Variants in OCRL observed in about 807,000 individuals in gnomAD.
OCRL encodes the protein OCRL inositol polyphosphate-5-phosphatase.
A neutral mutation model predicts 78.9 loss-of-function variants in OCRL; 8 were observed. The observed-to-expected ratio is 0.10, with a 90% confidence interval of 0.06 to 0.18. The LOEUF (loss-of-function observed/expected upper bound fraction) is 0.18, where lower values mean the gene tolerates loss of function less well. Ranked by LOEUF, OCRL falls within the 10% of genes least tolerant of loss-of-function variation. OCRL has a pLI of 1.00. For missense variants in OCRL, 454 were observed against 696.7 expected (o/e 0.65, Z 3.92); for synonymous variants, 240 against 235.4 (o/e 1.02, Z -0.18).
In OCRL at chrX:129,561,363, T is replaced by C; in HGVS notation, c.939+70T>C. ...GCTCACCGGGAGTTATTCCATTATC[T>C]ACAACTTGTTCCAAAAGAATAGTTT... On this transcript the variant is annotated intron_variant, in intron 10 of 23. Transcript: ENST00000371113. The C allele has an allele frequency of 4.6e-6, 3 of 648,372 alleles. No individual in the cohort carries two copies. In the Admixed American group the frequency reaches 6.8e-5, roughly 15 times the overall value. 53.4% of individuals were successfully genotyped at this position (648,372 alleles called of 1,213,427 possible).
chrX:129,548,851 G>A (rs1216367687), intron 4 of OCRL, among the ~76,000 whole-genome samples: 3 of 112,025 alleles, frequency 2.7e-5, no homozygotes, highest in Non-Finnish European at 5.6e-5. Context: ...CTGAACTTCC[G>A]TGAGCTACCA....
intron 3 of OCRL, among the ~76,000 whole-genome samples, chrX:129,547,300 C>T (rs1167749079): frequency 1.1e-4 from 12 of 109,962 alleles, no homozygotes; most frequent in African/African-American, 3.3e-4. Context: ...CCAAGGTGGG[C>T]AGATCACAAG....
intron 18 of OCRL, among the ~76,000 whole-genome samples, chrX:129,583,720 T>C (rs1202652670): frequency 9.0e-6 from 1 of 111,472 alleles, no homozygotes; most frequent in African/African-American, 3.3e-5. Flanking sequence ...TCTTTTTTTC[T>C]CTTATGCCCA....
intron 4 of OCRL, among the ~76,000 whole-genome samples, chrX:129,551,723 C>T (rs1190123293): frequency 2.7e-5 from 3 of 112,584 alleles, no homozygotes; most frequent in African/African-American, 9.7e-5. Flanking sequence ...CGTGAGCCAC[C>T]GTGCCTGGCC....
At chrX:129,589,672 A>G (rs1936562245) in intron 22 of OCRL, 173 bp from the exon 23 acceptor site, 1 of 460,788 alleles carries the variant, frequency 2.2e-6, no homozygotes, top group Non-Finnish European at 3.8e-6. Flanking sequence ...TCTTACTTTG[A>G]AGTTATAATT....
chrX:129,545,180 G>C (rs1362880763), intron 3 of OCRL, 143 bp downstream of exon 3: 10 of 459,626 alleles, frequency 2.2e-5, no homozygotes, highest in Non-Finnish European at 3.8e-5. Context: ...ACATTGAGGA[G>C]ATGATACTTT....
intron 2 of OCRL, among the ~76,000 whole-genome samples, chrX:129,541,719 T>C (rs767317248): frequency 3.6e-5 from 4 of 112,313 alleles, no homozygotes; most frequent in Non-Finnish European, 7.5e-5. Context: ...CACTTAAATC[T>C]TGCCATCTCC....
intron 15 of OCRL, among the ~76,000 whole-genome samples, chrX:129,571,111 A>T (rs1013411353): frequency 8.9e-6 from 1 of 112,037 alleles, no homozygotes; most frequent in Non-Finnish European, 1.9e-5. Context: ...CTACTACCCC[A>T]CAATACCTCT....
rs1261991452 is a variant in OCRL, at chrX:129,540,487, C to A, written c.39+9C>A. On this transcript the variant is annotated intron_variant, in intron 1 of 23. Transcript: ENST00000371113. ...GAGCCCAGCCGCTTGCCGTATCCGC[C>A]GGAGAGAAGGGAGAGGGGAGGCCGC... 1 of 1,071,030 alleles carries A rather than the reference C, an allele frequency of 9.3e-7. No homozygotes were observed. The highest frequency in any genetic ancestry group is 2.0e-5 in the South Asian group (1 of 50,468). 88.3% of individuals were successfully genotyped at this position (1,071,030 alleles called of 1,213,427 possible). A position where few individuals can be genotyped will look rare whatever the true frequency, so the allele number is the denominator to read the frequency against.
At chrX:129,560,906 T>G (rs1450575500) in intron 9 of OCRL, among the ~76,000 whole-genome samples, 1 of 112,712 alleles carries the variant, frequency 8.9e-6, no homozygotes, top group Non-Finnish European at 1.9e-5. Context: ...GTTCTAACAG[T>G]GACAGTTCCT....
intron 4 of OCRL, among the ~76,000 whole-genome samples, chrX:129,551,753 T>G (rs1200931691): frequency 3.6e-5 from 4 of 112,650 alleles, no homozygotes; most frequent in Non-Finnish European, 7.5e-5. Context: ...GTAGTTTTAA[T>G]AAATGCTCTT....
chrX:129,562,026 T>C (rs1936152520), intron 10 of OCRL, among the ~76,000 whole-genome samples: 1 of 112,014 alleles, frequency 8.9e-6, no homozygotes, highest in Non-Finnish European at 1.9e-5. Context: ...CTTAGAAAAT[T>C]AGACATCAGA....
intron 21 of OCRL, 55 bp downstream of exon 21, chrX:129,588,318 C>T: frequency 1.2e-6 from 1 of 825,628 alleles, no homozygotes; most frequent in Non-Finnish European, 1.8e-6. Context: ...TCAAACTCTT[C>T]TTCGCACCTA....
intron 16 of OCRL, chrX:129,575,578 A>G (rs1740617827): frequency 2.6e-6 from 1 of 384,096 alleles, no homozygotes. Context: ...CAGAGTTGCT[A>G]GTTAATTTAT....
Position 129,540,447 on chromosome X carries a change from C to A in OCRL, c.8C>A (p.Pro3Gln). The part of the protein sequence containing the change: ME[P>Q]PLPVGAQPLA... Reference sequence around the variant, plus strand: ...AGCCCGGAGGCCGCCTGGATGGAGCCGCCGCTCCCGGTCGGAGCCCAGCCG... The same window carrying A: ...AGCCCGGAGGCCGCCTGGATGGAGCAGCCGCTCCCGGTCGGAGCCCAGCCG... The change falls in exon 1 of 24, where the codon CCG (proline) becomes CAG (glutamine). Residue 3 changes from proline (P) to glutamine (Q), a missense_variant. Physicochemically the swap from Pro to Gln is moderately conservative, Grantham distance 76. Transcript: ENST00000371113. 1 of 1,154,376 alleles carries A rather than the reference C, an allele frequency of 8.7e-7. No individual in the cohort carries two copies.
chrX:129,567,638 A>G (rs1307837120), intron 14 of OCRL, among the ~76,000 whole-genome samples: 2 of 111,989 alleles, frequency 1.8e-5, no homozygotes, highest in Non-Finnish European at 3.8e-5. Flanking sequence ...CACCTCAGCA[A>G]ACTTGCTTAA....
At chrX:129,573,421 C>T (rs1381109503) in intron 15 of OCRL, among the ~76,000 whole-genome samples, 1 of 111,436 alleles carries the variant, frequency 9.0e-6, no homozygotes, top group Non-Finnish European at 1.9e-5. Flanking sequence ...TGTTGTTCCC[C>T]TCCCTGTGTC....
At chrX:129,543,677 C>T (rs987932862) in intron 2 of OCRL, among the ~76,000 whole-genome samples, 1 of 112,875 alleles carries the variant, frequency 8.9e-6, no homozygotes, top group African/African-American at 3.2e-5. Context: ...CTTATCCTAT[C>T]CCAGGTTATC....
At chrX:129,584,965 C>T (rs767738165) in intron 19 of OCRL, among the ~76,000 whole-genome samples, 3 of 111,732 alleles carry the variant, frequency 2.7e-5, no homozygotes, top group Non-Finnish European at 5.6e-5. Context: ...GCACTGTACC[C>T]ACTTGGTGGA....
Sources: allele counts gnomAD v4.1 joint callset (sites outside exome capture counted in the v4.1 genomes callset), GRCh38; gene constraint gnomAD v4.1.1; transcripts MANE v1.5; gene names NCBI Gene and HGNC (gene_info 2026-07-23, HGNC 2026-07-21).